ATRN: variants seen among roughly 807,000 people sequenced by gnomAD.
ATRN encodes the protein attractin-2.
A neutral mutation model predicts 178.7 loss-of-function variants in ATRN; 54 were observed. The ratio of observed to expected loss-of-function variants is 0.30; its 90% CI spans 0.24 to 0.38. The LOEUF (loss-of-function observed/expected upper bound fraction) is 0.38, where lower values mean the gene tolerates loss of function less well. Ranked by LOEUF, ATRN falls within the 10% of genes least tolerant of loss-of-function variation. The probability of loss-of-function intolerance (pLI) is 1.00; values close to 1 mark genes in which losing one functional copy is unlikely to be tolerated. For missense variants in ATRN, 1,443 were observed against 1,815.1 expected (o/e 0.79, Z 3.73); for synonymous variants, 636 against 663.0 (o/e 0.96, Z 0.63).
intron 1 of ATRN, 28 bp downstream of exon 1, chr20:3,471,545 G>C: frequency 7.3e-7 from 1 of 1,377,148 alleles, no homozygotes; most frequent in Non-Finnish European, 9.3e-7. Context: ...TCGGAGGGTC[G>C]GGTCCAACCA....
In ATRN at chr20:3,565,448, AT is replaced by A; in HGVS notation, c.1871+18del. 1 of 1,598,438 alleles carries A rather than the reference AT, an allele frequency of 6.3e-7. No homozygotes were observed. The highest frequency in any genetic ancestry group is 8.6e-7 in the Non-Finnish European group (1 of 1,165,906). ...TACACAACAGGTAATTGGAGAAGTG[AT>A]TGCTCCTTTTCTTTTGTGTTTAAAA... On this transcript the variant is annotated intron_variant, in intron 11 of 28. Coordinates refer to ENST00000262919, the MANE Select transcript of ATRN (RefSeq NM_139321.3).
intron 16 of ATRN, 103 bp downstream of exon 16, chr20:3,582,457 A>G (rs1771070298): frequency 9.6e-7 from 1 of 1,043,770 alleles, no homozygotes; most frequent in Non-Finnish European, 1.5e-6. Context: ...ATGAAAACAG[A>G]TGAAGTATTG....
intron 1 of ATRN, among the ~76,000 whole-genome samples, chr20:3,527,600 T>A (rs1397202318): frequency 6.6e-6 from 1 of 152,214 alleles, no homozygotes; most frequent in Non-Finnish European, 1.5e-5. Context: ...TAAATCATTC[T>A]GCTGTAAAGA....
intron 2 of ATRN, among the ~76,000 whole-genome samples, chr20:3,539,278 A>C (rs552151695): frequency 6.6e-6 from 1 of 152,322 alleles, no homozygotes; most frequent in East Asian, 1.9e-4. Flanking sequence ...AGATAGAGTC[A>C]CTGGAGGAAG....
intron 11 of ATRN, among the ~76,000 whole-genome samples, chr20:3,565,752 C>G (rs6037621): frequency 2.1e-5 from 3 of 142,246 alleles, no homozygotes; most frequent in African/African-American, 5.3e-5. Context: ...GAGACGAGAT[C>G]GCGCCACAGC....
chr20:3,579,689 T>A (rs2086257703), intron 15 of ATRN, among the ~76,000 whole-genome samples: 1 of 152,042 alleles, frequency 6.6e-6, no homozygotes, highest in African/African-American at 2.4e-5. Context: ...TAGTCTGGAG[T>A]CATAAATTGT....
In ATRN at chr20:3,596,408, C is replaced by A. The variant is rs866318978; in HGVS notation, c.3448C>A (p.Pro1150Thr). 3.1e-6 allele frequency: 5 copies of A among 1,613,450 alleles called. No homozygotes were observed. Among genetic ancestry groups the A allele is most frequent in the Middle Eastern group, 1.6e-4 (1 of 6,084 alleles). ...GGTAGAAAATCGATACCAAGGAAACCCTCTCAGAGGAACATGTTATTGTAA... is the reference window on the plus strand; with the variant it reads ...GGTAGAAAATCGATACCAAGGAAACACTCTCAGAGGAACATGTTATTGTAA... ...CEVENRYQGN[P>T]LRGTCYYTLL... Residue 1150 changes from proline (P) to threonine (T), a missense_variant, in exon 21 of 29, where the codon CCT (proline) becomes ACT (threonine). Transcript: ENST00000262919.
chr20:3,524,761 A>G (rs991282892), intron 1 of ATRN, among the ~76,000 whole-genome samples: 6 of 152,090 alleles, frequency 3.9e-5, no homozygotes, highest in African/African-American at 7.2e-5. Flanking sequence ...GAAACTCAGA[A>G]CTGCACAACT....
At chr20:3,615,575 A>AACACTTCACCAC (rs2086834192) in intron 24 of ATRN, among the ~76,000 whole-genome samples, 1 of 114,110 alleles carries the variant, frequency 8.8e-6, no homozygotes, top group African/African-American at 3.4e-5. Context: ...TTTTTTTTGG[A>AACACTTCACCAC]GACAGAGTCT....
intron 24 of ATRN, among the ~76,000 whole-genome samples, chr20:3,609,750 G>GTA (rs1491019830): frequency 7.0e-6 from 1 of 143,872 alleles, no homozygotes; most frequent in Non-Finnish European, 1.5e-5. Flanking sequence ...GTGTGTGTGT[G>GTA]TATAAAATAA....
At chr20:3,548,355 C>G (rs1327566548) in intron 5 of ATRN, among the ~76,000 whole-genome samples, 2 of 152,084 alleles carry the variant, frequency 1.3e-5, no homozygotes, top group East Asian at 3.9e-4. Flanking sequence ...AATCCCAGCA[C>G]TTTGGGAGGC....
At chr20:3,512,266 C>T (rs11699797) in intron 1 of ATRN, among the ~76,000 whole-genome samples, 18,303 of 130,958 alleles carry the variant, frequency 0.14, 1,794 homozygotes, top group Non-Finnish European at 0.2. Flanking sequence ...CCTCCCCCCA[C>T]GCCACAACAG....
chr20:3,546,283 A>G (rs542118094), intron 4 of ATRN, among the ~76,000 whole-genome samples: 2 of 152,192 alleles, frequency 1.3e-5, no homozygotes, highest in African/African-American at 4.8e-5. Flanking sequence ...ATACTCATTA[A>G]AGTACCTTGA....
intron 4 of ATRN, among the ~76,000 whole-genome samples, chr20:3,546,134 A>G (rs1252997330): frequency 6.6e-6 from 1 of 152,210 alleles, no homozygotes; most frequent in Non-Finnish European, 1.5e-5. Context: ...TGGGACCACA[A>G]TTTAAACCCA....
chr20:3,551,938 A>G (rs1294156549), intron 6 of ATRN, among the ~76,000 whole-genome samples: 1 of 152,202 alleles, frequency 6.6e-6, no homozygotes, highest in Non-Finnish European at 1.5e-5. Flanking sequence ...CACTGGCCAC[A>G]TGTGGTTATT....
intron 24 of ATRN, among the ~76,000 whole-genome samples, chr20:3,618,961 C>T (rs527788621): frequency 1.1e-4 from 16 of 152,224 alleles, no homozygotes; most frequent in Non-Finnish European, 1.6e-4. Context: ...CGGAATCTTC[C>T]ATCCTTTGCA....
At position 3,632,350 on chromosome 20, in the gene ATRN, A is replaced by T. The variant is rs950427670; in HGVS notation, c.3864-1961A>T. Among the ~76,000 whole-genome samples, 1 of 152,020 alleles carries T rather than the reference A, an allele frequency of 6.6e-6. No individual in the cohort carries two copies. Among genetic ancestry groups the T allele is most frequent in the South Asian group, 2.1e-4 (1 of 4,816 alleles). Reference sequence around the variant, plus strand: ...AAAAACCTGCACTGGCTCTTTCCCAATGCCCTCATAATGCTTGCAGTGCCC... The same window carrying T: ...AAAAACCTGCACTGGCTCTTTCCCATTGCCCTCATAATGCTTGCAGTGCCC... On this transcript the variant is annotated intron_variant, in intron 25 of 28. Coordinates refer to ENST00000262919, the MANE Select transcript of ATRN (RefSeq NM_139321.3). The surrounding 1 kb of genome is among the most constrained non-coding windows in gnomAD (Gnocchi z 4.2).
Position 3,575,817 on chromosome 20 carries a change from T to C in ATRN, c.2093-10T>C. 1 of 1,599,722 alleles carries C rather than the reference T, an allele frequency of 6.3e-7. No homozygotes were observed. Among genetic ancestry groups the C allele is most frequent in the South Asian group, 1.1e-5 (1 of 87,456 alleles). ...TTGTCCCAGTTCATGAGATTTTGTT[T>C]TCTTTGCAGCTCTTGACCATGACAG... On this transcript the variant is annotated splice_polypyrimidine_tract_variant and intron_variant, in intron 12 of 28. Coordinates refer to ENST00000262919, the MANE Select transcript of ATRN (RefSeq NM_139321.3).
chr20:3,581,347 T>C (rs535105971), intron 15 of ATRN, among the ~76,000 whole-genome samples: 177 of 152,370 alleles, frequency 1.2e-3, no homozygotes, highest in African/African-American at 4.0e-3. Flanking sequence ...CTTTATATTT[T>C]GATTTTTAAA....
Sources: allele counts gnomAD v4.1 joint callset (sites outside exome capture counted in the v4.1 genomes callset), GRCh38; gene constraint gnomAD v4.1.1; non-coding constraint Gnocchi (gnomAD v3.1); transcripts MANE v1.5; gene names NCBI Gene and HGNC (gene_info 2026-07-23, HGNC 2026-07-21).